The following TULP4 variants were observed in gnomAD, a reference collection of about 807,000 sequenced individuals.
TULP4 encodes the protein TUB like protein 4, also known as tubby-related protein 4.
A neutral mutation model predicts 129.0 loss-of-function variants in TULP4; 16 were observed. The observed-to-expected ratio is 0.12, with a 90% CI of 0.08 to 0.19. The LOEUF (loss-of-function observed/expected upper bound fraction) is 0.19, where lower values mean the gene tolerates loss of function less well. TULP4 is among the 10% of genes least tolerant of loss of function. The pLI is 1.00. For missense variants in TULP4, 1,842 were observed against 2,059.1 expected (o/e 0.89, Z 2.04); for synonymous variants, 998 against 854.0 (o/e 1.17, Z -2.94).
chr6:158,315,728 CAA>C (rs1779472269), intron 1 of TULP4, among the ~76,000 whole-genome samples: 1 of 152,178 alleles, frequency 6.6e-6, no homozygotes, highest in East Asian at 1.9e-4. Flanking sequence ...AGTCCAAGAT[CAA>C]GATGTTAGCA....
intron 1 of TULP4, among the ~76,000 whole-genome samples, chr6:158,403,594 C>T (rs1173234351): frequency 6.6e-6 from 1 of 152,166 alleles, no homozygotes; most frequent in African/African-American, 2.4e-5. Context: ...CCCGCCTCGG[C>T]CTCCCAAAAA....
intron 2 of TULP4, among the ~76,000 whole-genome samples, chr6:158,417,987 C>A (rs1269643793): frequency 6.6e-6 from 1 of 152,130 alleles, no homozygotes; most frequent in Non-Finnish European, 1.5e-5. Context: ...CAGCCTGCTG[C>A]TCAGCTTCAA....
intron 1 of TULP4, among the ~76,000 whole-genome samples, chr6:158,276,880 GT>G (rs35948910): frequency 0.012 from 1,865 of 152,142 alleles, 47 homozygotes; most frequent in Admixed American, 0.058. Flanking sequence ...GAACCCACAT[GT>G]TTGTTTGTTT....
intron 3 of TULP4, among the ~76,000 whole-genome samples, chr6:158,430,103 A>G (rs1778595058): frequency 6.6e-6 from 1 of 152,270 alleles, no homozygotes; most frequent in African/African-American, 2.4e-5. Flanking sequence ...CAATATGGTA[A>G]CATTAAGTTA....
rs559511165 is a variant in TULP4, at chr6:158,347,775, C to T, written c.252+33507C>T. ...CTGTGTTTAAGGTGACTTCCTCCGG[C>T]CTTCCCTGACTGCATCACAAGTTAT... On this transcript the variant is annotated intron_variant, in intron 1 of 13. Coordinates refer to ENST00000367097, the MANE Select transcript of TULP4 (RefSeq NM_020245.5). Among the ~76,000 whole-genome samples, 9 of 152,348 alleles carry T rather than the reference C, an allele frequency of 5.9e-5. No individual in the cohort carries two copies. The South Asian group carries it at 1.4e-3, about 25-fold the overall frequency.
In TULP4 at chr6:158,262,932, A is replaced by T. The variant is rs552680507; in HGVS notation, n.68+30629A>T. 2.9e-3 allele frequency among the ~76,000 whole-genome samples: 205 copies of T among 71,266 alleles called. 1 individual carries two copies. Among genetic ancestry groups the T allele is most frequent in the Non-Finnish European group, 6.0e-3 (156 of 26,216 alleles). 46.8% of individuals were successfully genotyped at this position (71,266 alleles called of 152,430 possible). A position where few individuals can be genotyped will look rare whatever the true frequency, so the allele number is the denominator to read the frequency against. ...CTAACTAGCCACATCACTTCAGCCAAGTCATTTCTCTCTGGGACCCGTCAT... is the reference window on the plus strand; with the variant it reads ...CTAACTAGCCACATCACTTCAGCCATGTCATTTCTCTCTGGGACCCGTCAT... On this transcript the variant is annotated intron_variant and non_coding_transcript_variant, in intron 1 of 1. Transcript: ENST00000620026.
At chr6:158,447,253 A>T (rs1353518457) in intron 3 of TULP4, among the ~76,000 whole-genome samples, 1 of 152,214 alleles carries the variant, frequency 6.6e-6, no homozygotes, top group Admixed American at 6.5e-5. Context: ...CCTGTGTCAC[A>T]TGAAGGCTTT....
intron 2 of TULP4, among the ~76,000 whole-genome samples, chr6:158,424,619 AGTT>A (rs1037125042): frequency 5.3e-5 from 8 of 152,312 alleles, no homozygotes; most frequent in East Asian, 1.9e-4. Flanking sequence ...CTAAATAAAT[AGTT>A]GTTGTATTAT....
chr6:158,252,928 C>T (rs1172903158), intron 1 of TULP4, among the ~76,000 whole-genome samples: 6 of 152,108 alleles, frequency 3.9e-5, no homozygotes, highest in African/African-American at 1.4e-4. Flanking sequence ...CAGTTCAGTC[C>T]TTTCACACAC....
rs749390836 is a variant in TULP4 at position 158,508,391 on chromosome 6, G to A, written c.*1697G>A. 3.3e-5 allele frequency: 5 copies of A among 152,092 alleles called. No homozygotes were observed. Among genetic ancestry groups the A allele is most frequent in the South Asian group, 2.1e-4 (1 of 4,814 alleles). The allele number at this position is 152,092 out of a possible 1,614,324, so 9.4% of individuals were successfully genotyped here. A position where few individuals can be genotyped will look rare whatever the true frequency, so the allele number is the denominator to read the frequency against. On this transcript the variant is annotated 3_prime_UTR_variant, in exon 14 of 14. Coordinates refer to ENST00000367097, the MANE Select transcript of TULP4 (RefSeq NM_020245.5). The stretch of plus-strand genomic sequence containing the variant: ...TAGTTAAAAAATTGGAAAAGAAACC[G>A]ACCCATTTTTTTCCCAGATCAAGAT...
At chr6:158,343,967 G>A (rs1780245047) in intron 1 of TULP4, among the ~76,000 whole-genome samples, 1 of 152,178 alleles carries the variant, frequency 6.6e-6, no homozygotes. Context: ...AGCAACTGAA[G>A]ATCCACAAAA....
rs1430034585 is a variant in TULP4, at chr6:158,413,242, C to T, written c.381+49C>T. 8.3e-6 allele frequency: 13 copies of T among 1,564,576 alleles called. No individual in the cohort carries two copies. Among genetic ancestry groups the T allele is most frequent in the Admixed American group, 5.5e-5 (3 of 54,806 alleles). ...CAGTGAAGGGCTGCGGGGTAGAGGA[C>T]TCCCAGACAGGCATTCCGGAGCCAG... On this transcript the variant is annotated intron_variant, in intron 2 of 13. Transcript: ENST00000367097. The surrounding 1 kb of genome is among the most constrained non-coding windows in gnomAD (Gnocchi z 4.9).
intron 2 of TULP4, among the ~76,000 whole-genome samples, chr6:158,427,470 C>CTTTTTTTTTTTTTTTTTTTTTTT (rs1251385882): frequency 9.9e-6 from 1 of 100,678 alleles, no homozygotes; most frequent in Non-Finnish European, 1.9e-5. Context: ...AATTATCAGA[C>CTTTTTTTTTTTTTTTTTTTTTTT]CTTTTTTTTT....
At chr6:158,482,611 G>A (rs1361333840) in intron 8 of TULP4, among the ~76,000 whole-genome samples, 1 of 152,200 alleles carries the variant, frequency 6.6e-6, no homozygotes, top group East Asian at 1.9e-4. Flanking sequence ...TGGTTTCAGG[G>A]AAAAGGAGAA....
chr6:158,498,646 G>C, intron 11 of TULP4, 23 bp from the exon 12 acceptor site: 1 of 1,614,052 alleles, frequency 6.2e-7, no homozygotes, highest in Non-Finnish European at 8.5e-7. Context: ...TCTGTTAACT[G>C]TGCCCTTCTT....
intron 1 of TULP4, among the ~76,000 whole-genome samples, chr6:158,361,675 T>G (rs555921354): frequency 6.6e-6 from 1 of 152,356 alleles, no homozygotes; most frequent in East Asian, 1.9e-4. Context: ...ACTTTCTCAT[T>G]GTAAAAGACC....
rs1321911056 is a variant in TULP4, at chr6:158,502,126, T to C, written c.2463T>C (p.Ser821=). 3.7e-6 allele frequency: 6 copies of C among 1,607,010 alleles called. No homozygotes were observed. Among genetic ancestry groups the C allele is most frequent in the Non-Finnish European group, 4.2e-6 (5 of 1,176,558 alleles). ...LAAEGDAVVF[S]APQEVQVTKI... ...CTGAGGGGGACGCAGTGGTCTTTAG[T>C]GCCCCCCAGGAGGTCCAGGTGACGA... Residue 821 remains serine, a synonymous_variant, in exon 13 of 14, where the codon AGT becomes AGC. Transcript: ENST00000367097.
intron 1 of TULP4, among the ~76,000 whole-genome samples, chr6:158,267,144 T>G (rs566848621): frequency 6.6e-6 from 1 of 152,356 alleles, no homozygotes; most frequent in East Asian, 1.9e-4. Context: ...CAGAATGTCC[T>G]TCCCTTTCAA....
chr6:158,374,469 C>T (rs1583810914), intron 1 of TULP4, among the ~76,000 whole-genome samples: 2 of 152,298 alleles, frequency 1.3e-5, no homozygotes, highest in South Asian at 4.1e-4. Flanking sequence ...TTTGTATTCT[C>T]TCATGGGCGC....
Sources: gnomAD v4.1 joint callset for allele counts (sites outside exome capture counted in the v4.1 genomes callset) on GRCh38, gnomAD v4.1.1 for gene constraint, Gnocchi (gnomAD v3.1) non-coding constraint, MANE v1.5 for transcripts, NCBI Gene and HGNC (gene_info 2026-07-23, HGNC 2026-07-21) for gene names.